Variants in CTNNA2 observed in about 807,000 individuals in gnomAD.
CTNNA2 encodes catenin alpha 2, also known as catenin alpha-2.
Under a neutral mutation model 101.0 loss-of-function variants are expected in CTNNA2, and 42 were observed. That is an observed-to-expected ratio of 0.42 (90% confidence interval 0.32 to 0.54). The LOEUF is 0.54. CTNNA2 is among the 20% of genes least tolerant of loss of function. The pLI is 0.14. For synonymous variants in CTNNA2, 450 were observed against 456.4 expected (o/e 0.99, Z 0.18); for missense variants, 871 against 1,223.1 (o/e 0.71, Z 4.29).
chr2:80,521,542 T>G (rs1689548850), intron 9 of CTNNA2, among the ~76,000 whole-genome samples: 1 of 152,150 alleles, frequency 6.6e-6, no homozygotes, highest in African/African-American at 2.4e-5. Context: ...GTGGGCCCAA[T>G]GTAATCACAA....
At chr2:79,924,105 T>A (rs2104392122) in intron 7 of CTNNA2, among the ~76,000 whole-genome samples, 1 of 152,166 alleles carries the variant, frequency 6.6e-6, no homozygotes, top group South Asian at 2.1e-4. Context: ...AAATGTGATG[T>A]ATACATACAA....
intron 7 of CTNNA2, among the ~76,000 whole-genome samples, chr2:80,194,330 G>A (rs929518675): frequency 6.6e-6 from 1 of 152,190 alleles, no homozygotes; most frequent in African/African-American, 2.4e-5. Context: ...CAGTGATACC[G>A]TGGATGGTAA....
At chr2:79,976,368 A>G (rs116782399) in intron 7 of CTNNA2, among the ~76,000 whole-genome samples, 258 of 152,312 alleles carry the variant, frequency 1.7e-3, no homozygotes, top group African/African-American at 6.0e-3. Flanking sequence ...TTGAATTTCA[A>G]TGGAATGTGA....
intron 7 of CTNNA2, among the ~76,000 whole-genome samples, chr2:80,289,527 C>T (rs1047929798): frequency 5.3e-5 from 8 of 152,170 alleles, no homozygotes; most frequent in Admixed American, 1.3e-4. Context: ...CCACATTTCC[C>T]CTGAGGCTAT....
intron 2 of CTNNA2, among the ~76,000 whole-genome samples, chr2:79,742,451 C>T (rs13403932): frequency 6.6e-6 from 1 of 152,074 alleles, no homozygotes; most frequent in African/African-American, 2.4e-5. Flanking sequence ...TAAAAGGAGC[C>T]TGGCCTAAAT....
chr2:80,094,547 T>G (rs1467096888), intron 7 of CTNNA2, among the ~76,000 whole-genome samples: 2 of 152,168 alleles, frequency 1.3e-5, no homozygotes, highest in Non-Finnish European at 2.9e-5. Context: ...GTGAAGCAAG[T>G]CATTGGTAGC....
intron 2 of CTNNA2, among the ~76,000 whole-genome samples, chr2:79,201,042 CTTG>C (rs1674027500): frequency 6.6e-6 from 1 of 152,056 alleles, no homozygotes; most frequent in African/African-American, 2.4e-5. Context: ...AAAAGATGGC[CTTG>C]TTATGTAAAT....
At chr2:80,200,637 G>A (rs897646990) in intron 7 of CTNNA2, among the ~76,000 whole-genome samples, 2 of 152,252 alleles carry the variant, frequency 1.3e-5, no homozygotes. Context: ...CTGGGTTCAA[G>A]CAATTCTCCT....
chr2:80,585,490 C>G (rs1233388568), intron 14 of CTNNA2, among the ~76,000 whole-genome samples: 1 of 152,118 alleles, frequency 6.6e-6, no homozygotes, highest in East Asian at 1.9e-4. Flanking sequence ...TCAACCTGTC[C>G]TGGGTAATCA....
chr2:79,286,059 A>G (rs1442352917), intron 2 of CTNNA2, among the ~76,000 whole-genome samples: 2 of 151,238 alleles, frequency 1.3e-5, no homozygotes, highest in Non-Finnish European at 2.9e-5. Flanking sequence ...CTGTTTTATC[A>G]GAGACTAGGA....
intron 4 of CTNNA2, among the ~76,000 whole-genome samples, chr2:79,465,196 A>G (rs970428173): frequency 6.6e-6 from 1 of 152,190 alleles, no homozygotes; most frequent in Non-Finnish European, 1.5e-5. Context: ...TCAGCTTTCT[A>G]CATAGGGTTA....
intron 7 of CTNNA2, among the ~76,000 whole-genome samples, chr2:80,372,695 T>TC (rs1036835475): frequency 2.0e-4 from 30 of 151,526 alleles, no homozygotes; most frequent in South Asian, 1.7e-3. Flanking sequence ...TTTTTTTTTT[T>TC]TTATTGAGCC....
At position 80,552,334 on chromosome 2, in the gene CTNNA2, GA is replaced by G. The variant is rs908701685; in HGVS notation, c.1541-3350del. 1.6e-3 allele frequency among the ~76,000 whole-genome samples: 243 copies of G among 150,206 alleles called. 1 individual carries two copies. Among genetic ancestry groups the G allele is most frequent in the Middle Eastern group, 0.014 (4 of 294 alleles). On this transcript the variant is annotated intron_variant, in intron 11 of 18. Coordinates refer to ENST00000402739, the MANE Select transcript of CTNNA2 (RefSeq NM_001282597.3). ...CCTTCAATTTGTATTTGGGGGGGAA[GA>G]AAAAAAAACCCACCAATCTGTGATA...
intron 15 of CTNNA2, among the ~76,000 whole-genome samples, chr2:80,599,266 G>T (rs1697254494): frequency 6.6e-6 from 1 of 152,160 alleles, no homozygotes; most frequent in Admixed American, 6.5e-5. Flanking sequence ...ATTGGATAGT[G>T]CAGAATTATA....
chr2:80,542,621 TG>T (rs1691671639), intron 9 of CTNNA2, among the ~76,000 whole-genome samples: 1 of 152,178 alleles, frequency 6.6e-6, no homozygotes, highest in East Asian at 1.9e-4. Context: ...ACCTGATTCT[TG>T]GGGCATTTTT....
At chr2:79,304,084 G>C (rs1676175882) in intron 2 of CTNNA2, among the ~76,000 whole-genome samples, 1 of 152,112 alleles carries the variant, frequency 6.6e-6, no homozygotes, top group Non-Finnish European at 1.5e-5. Flanking sequence ...GGCAGGTCAA[G>C]TAGCATGTAT....
At chr2:80,224,749 C>A (rs1008598400) in intron 7 of CTNNA2, among the ~76,000 whole-genome samples, 1 of 152,118 alleles carries the variant, frequency 6.6e-6, no homozygotes, top group African/African-American at 2.4e-5. Context: ...CCAGCCACAG[C>A]TGCATTTATT....
intron 1 of CTNNA2, among the ~76,000 whole-genome samples, chr2:79,187,828 A>T (rs1673800807): frequency 6.6e-6 from 1 of 152,200 alleles, no homozygotes; most frequent in African/African-American, 2.4e-5. Context: ...CTGTCATTCA[A>T]ACATAAGCCC....
intron 3 of CTNNA2, among the ~76,000 whole-genome samples, chr2:79,838,807 G>A (rs6757718): frequency 0.04 from 6,057 of 152,004 alleles, 145 homozygotes; most frequent in East Asian, 0.12. Flanking sequence ...CATGAATTCC[G>A]TGTAGATGAA....
Sources: gnomAD v4.1 joint callset for allele counts (sites outside exome capture counted in the v4.1 genomes callset) on GRCh38, gnomAD v4.1.1 for gene constraint, MANE v1.5 for transcripts, NCBI Gene and HGNC (gene_info 2026-07-23, HGNC 2026-07-21) for gene names.